AP3S1: variants seen among roughly 807,000 people sequenced by gnomAD.
AP3S1 encodes the protein adaptor related protein complex 3 subunit sigma 1.
In AP3S1, 12 loss-of-function variants were observed where a neutral mutation model predicts 21.3. The observed-to-expected ratio is 0.56, with a 90% confidence interval of 0.36 to 0.91. The LOEUF is 0.91. AP3S1 is among the 40% of genes least tolerant of loss of function. The probability of loss-of-function intolerance (pLI) is 0.01; values close to 1 mark genes in which losing one functional copy is unlikely to be tolerated. For missense variants in AP3S1, 116 were observed against 225.0 expected, an observed-to-expected ratio of 0.52 and a Z score of 3.10; for synonymous variants, 48 against 78.4, an observed-to-expected ratio of 0.61 and a Z score of 2.05.
chr5:115,905,157 T>C (rs1465439350), intron 5 of AP3S1, among the ~76,000 whole-genome samples: 2 of 152,224 alleles, frequency 1.3e-5, no homozygotes, highest in African/African-American at 4.8e-5. Context: ...TGGGTTAATG[T>C]GCTATATTGA....
chr5:115,852,394 A>C (rs1419820407), intron 1 of AP3S1, among the ~76,000 whole-genome samples: 3 of 152,156 alleles, frequency 2.0e-5, no homozygotes, highest in African/African-American at 7.2e-5. Flanking sequence ...GTATGGCTGT[A>C]AAAGTTGCCC....
In AP3S1 at chr5:115,895,164, A is replaced by C. The variant is rs201252221; in HGVS notation, c.345+6A>C. The C allele has an allele frequency of 1.6e-5, 25 of 1,587,358 alleles. No individual in the cohort carries two copies. Among genetic ancestry groups the C allele is most frequent in the Non-Finnish European group, 1.9e-5 (22 of 1,164,822 alleles). On this transcript the variant is annotated splice_donor_region_variant and intron_variant, in intron 4 of 5. Transcript: ENST00000316788. ...TGATTTTCCATGTAGACAAGGTACT[A>C]TTTGTATTGTCACATCTAAGCTTTT...
At chr5:115,846,913 A>G (rs1762106200) in intron 1 of AP3S1, among the ~76,000 whole-genome samples, 1 of 152,226 alleles carries the variant, frequency 6.6e-6, no homozygotes, top group African/African-American at 2.4e-5. Context: ...GGAAAGAACT[A>G]TGTTAGGTAC....
chr5:115,900,211 A>G (rs1751093654), intron 4 of AP3S1, among the ~76,000 whole-genome samples: 1 of 152,226 alleles, frequency 6.6e-6, no homozygotes, highest in Non-Finnish European at 1.5e-5. Context: ...TTTTCTTTAT[A>G]GTTACCAATT....
chr5:115,899,203 C>T (rs1462702073), intron 4 of AP3S1, among the ~76,000 whole-genome samples: 1 of 152,148 alleles, frequency 6.6e-6, no homozygotes, highest in African/African-American at 2.4e-5. Flanking sequence ...CCTGGTCCCT[C>T]TTGAGGATTT....
intron 3 of AP3S1, among the ~76,000 whole-genome samples, chr5:115,876,169 T>C (rs1748698586): frequency 6.6e-6 from 1 of 152,186 alleles, no homozygotes; most frequent in African/African-American, 2.4e-5. Flanking sequence ...AGTTTTCTTT[T>C]TTGTAAGTGC....
chr5:115,859,938 T>C (rs891592898), intron 1 of AP3S1, among the ~76,000 whole-genome samples: 3 of 152,168 alleles, frequency 2.0e-5, no homozygotes, highest in South Asian at 2.1e-4. Flanking sequence ...TGTAACAAAT[T>C]ACCACAGACT....
intron 1 of AP3S1, 37 bp downstream of exon 1, chr5:115,842,143 A>G: frequency 1.3e-6 from 2 of 1,527,184 alleles, no homozygotes; most frequent in African/African-American, 1.4e-5. Context: ...GGCGAGGGGG[A>G]GTCGTTGGCG....
intron 4 of AP3S1, among the ~76,000 whole-genome samples, chr5:115,897,349 T>C (rs1038444170): frequency 5.3e-5 from 8 of 152,194 alleles, no homozygotes; most frequent in African/African-American, 1.9e-4. Context: ...GTTTTATTTT[T>C]TCAAGGCAAG....
intron 3 of AP3S1, among the ~76,000 whole-genome samples, chr5:115,887,922 G>A (rs1377489216): frequency 6.6e-6 from 1 of 152,080 alleles, no homozygotes; most frequent in Non-Finnish European, 1.5e-5. Flanking sequence ...AACTAGAATA[G>A]CATGGGAAAG....
At chr5:115,875,812 G>GT (rs910379113) in intron 3 of AP3S1, among the ~76,000 whole-genome samples, 2 of 152,266 alleles carry the variant, frequency 1.3e-5, no homozygotes, top group Non-Finnish European at 1.5e-5. Flanking sequence ...GCAACCCCCA[G>GT]TTTTTTTAAA....
chr5:115,868,936 GGGAAGGAAGGAA>G (rs1156271663), intron 2 of AP3S1, among the ~76,000 whole-genome samples: 1 of 77,844 alleles, frequency 1.3e-5, no homozygotes, highest in Non-Finnish European at 2.6e-5. Context: ...GAGGGAGGGA[GGGAAGGAAGGAA>G]GGAAGGGAGG....
At chr5:115,904,144 T>C (rs1751451710) in intron 5 of AP3S1, 1 of 152,124 alleles carries the variant, frequency 6.6e-6, no homozygotes, top group South Asian at 2.1e-4. Flanking sequence ...GAGGATACTC[T>C]TACATTTGGT....
chr5:115,910,080 CAGTG>C (rs1356931543), intron 5 of AP3S1, among the ~76,000 whole-genome samples: 1 of 151,986 alleles, frequency 6.6e-6, no homozygotes, highest in Admixed American at 6.6e-5. Context: ...CTGGGCAACA[CAGTG>C]AGACCCCATC....
intron 1 of AP3S1, among the ~76,000 whole-genome samples, chr5:115,855,345 T>C (rs1762729158): frequency 6.6e-6 from 1 of 151,218 alleles, no homozygotes; most frequent in Non-Finnish European, 1.5e-5. Context: ...AGTCCTATTT[T>C]AATATTTTTA....
intron 1 of AP3S1, among the ~76,000 whole-genome samples, chr5:115,851,209 G>A (rs1368519726): frequency 1.3e-5 from 2 of 152,128 alleles, no homozygotes; most frequent in South Asian, 2.1e-4. Flanking sequence ...TCTTGATGCC[G>A]TATTTTGTTT....
intron 3 of AP3S1, among the ~76,000 whole-genome samples, chr5:115,873,123 C>T (rs777549127): frequency 9.2e-5 from 14 of 152,104 alleles, no homozygotes; most frequent in South Asian, 6.2e-4. Flanking sequence ...TTTATGCTTG[C>T]GTCCTGAGAT....
At chr5:115,877,260 A>C (rs914804072) in intron 3 of AP3S1, among the ~76,000 whole-genome samples, 1 of 152,086 alleles carries the variant, frequency 6.6e-6, no homozygotes, top group Non-Finnish European at 1.5e-5. Context: ...ATAGGTATAC[A>C]CATGCCATGG....
At chr5:115,866,321 C>G (rs1201289720) in intron 1 of AP3S1, among the ~76,000 whole-genome samples, 1 of 152,156 alleles carries the variant, frequency 6.6e-6, no homozygotes, top group African/African-American at 2.4e-5. Context: ...CTTTACCTTT[C>G]TGATTCAGTT....
Sources: gnomAD v4.1 joint callset for allele counts (sites outside exome capture counted in the v4.1 genomes callset) on GRCh38, gnomAD v4.1.1 for gene constraint, MANE v1.5 for transcripts, NCBI Gene and HGNC (gene_info 2026-07-23, HGNC 2026-07-21) for gene names.